PKD1: variants seen among roughly 807,000 people sequenced by gnomAD.
The protein encoded by PKD1 is polycystin-1.
In PKD1, 81 loss-of-function variants were observed where a neutral mutation model predicts 361.7. That is an observed-to-expected ratio of 0.22 (90% CI 0.19 to 0.27). The LOEUF (loss-of-function observed/expected upper bound fraction) is 0.27, where lower values mean the gene tolerates loss of function less well. Among genes scored for constraint, PKD1 ranks in the 10% least tolerant of loss-of-function variants. PKD1 has a pLI of 1.00. For synonymous variants in PKD1, 3,615 were observed against 2,818.3 expected (o/e 1.28, Z -8.95); for missense variants, 6,399 against 6,118.3 (o/e 1.05, Z -1.53).
rs533284364 is a variant in PKD1, at chr16:2,108,013, G to A, written c.6935C>T (p.Ala2312Val). Residue 2312 changes from alanine (A) to valine (V), a missense_variant, in exon 16 of 46, where the codon GCG becomes GTG. Transcript: ENST00000262304. ...GCTCCCGCGGGGCCCAAAGTTCAGC[G>A]CACACCCGCCAGCCTCCCTCTGCAG... ...ASTQREAGGC[A>V]LNFGPRGSST... 1.2e-4 allele frequency: 190 copies of A among 1,549,038 alleles called. No individual in the cohort carries two copies. In the East Asian group the frequency reaches 3.1e-3, roughly 25 times the overall value.
intron 1 of PKD1, among the ~76,000 whole-genome samples, chr16:2,129,340 T>C (rs2092838976): frequency 6.6e-6 from 1 of 151,018 alleles, no homozygotes; most frequent in Non-Finnish European, 1.5e-5. Flanking sequence ...TCTCGCTATG[T>C]TGCCCAGGCT....
intron 26 of PKD1, chr16:2,101,815 C>G (rs2092109694): frequency 1.7e-6 from 1 of 604,612 alleles, no homozygotes; most frequent in Admixed American, 2.7e-5. Flanking sequence ...TGGGGCCACG[C>G]TACTGTGCAG....
At chr16:2,101,757 G>A (rs1156724040) in intron 26 of PKD1, among the ~76,000 whole-genome samples, 9 of 152,268 alleles carry the variant, frequency 5.9e-5, no homozygotes, top group African/African-American at 2.2e-4. Flanking sequence ...TCAGGATCGC[G>A]GGTGGATGCA....
At position 2,116,517 on chromosome 16, in the gene PKD1, G is replaced by A. The variant is rs776946605; in HGVS notation, c.1722+12C>T. ...CAGGAGGGCAGGTTGTAGAACGTGG[G>A]GGGCCGACTACCTCCACGGGCTCGT... is the stretch of plus-strand genomic sequence containing the variant. On this transcript the variant is annotated intron_variant, in intron 8 of 45. Transcript: ENST00000262304. The A allele has an allele frequency of 1.4e-6, 2 of 1,421,990 alleles. No homozygotes were observed. Among genetic ancestry groups the A allele is most frequent in the Middle Eastern group, 2.4e-4 (1 of 4,148 alleles). The allele number at this position is 1,421,990 out of a possible 1,614,324, so 88.1% of individuals were successfully genotyped here.
In PKD1 at chr16:2,104,372, G is replaced by T. The variant is rs2092248185; in HGVS notation, c.8161+126C>A. ...AATTGGGGGAGGGGGATGAGGATGG[G>T]AATTGGGGGGAGGGGAGGGGGACGA... On this transcript the variant is annotated intron_variant, in intron 22 of 45. Coordinates refer to ENST00000262304, the MANE Select transcript of PKD1 (RefSeq NM_001009944.3). 5 of 564,180 alleles carry T rather than the reference G, an allele frequency of 8.9e-6. No homozygotes were observed. In the Admixed American group the frequency reaches 1.2e-4, roughly 14 times the overall value. 34.9% of individuals were successfully genotyped at this position (564,180 alleles called of 1,614,324 possible). A position where few individuals can be genotyped will look rare whatever the true frequency, so the allele number is the denominator to read the frequency against.
chr16:2,124,635 C>G (rs1427858403), intron 1 of PKD1, among the ~76,000 whole-genome samples: 1 of 152,212 alleles, frequency 6.6e-6, no homozygotes, highest in Non-Finnish European at 1.5e-5. Flanking sequence ...AGCTGAGTGC[C>G]CCAGGCGCCC....
Position 2,100,178 on chromosome 16 carries a change from C to A in PKD1, c.9700G>T (p.Val3234Leu). The A allele has an allele frequency of 6.2e-7, 1 of 1,609,312 alleles. No homozygotes were observed. The highest frequency in any genetic ancestry group is 8.5e-7 in the Non-Finnish European group (1 of 1,178,654). Residue 3234 changes from valine to leucine, a missense_variant, in exon 28 of 46, where the codon GTG becomes TTG. Val to Leu is a conservative substitution (Grantham distance 32). Transcript: ENST00000262304. The surrounding 1 kb of genome is among the most constrained non-coding windows in gnomAD (Gnocchi z 4.4). ...EANGGLVEKE[V>L]LAASDAALLR... ...AACGAGGCCTTACTCGCGGCCAGCACCTCCTTCTCCACCAGGCCCCCGTTG... is the reference window on the plus strand; with the variant it reads ...AACGAGGCCTTACTCGCGGCCAGCAACTCCTTCTCCACCAGGCCCCCGTTG...
At chr16:2,115,663 C>G in intron 9 of PKD1, 38 bp from the exon 10 acceptor site, 3 of 1,586,502 alleles carry the variant, frequency 1.9e-6, no homozygotes, top group Non-Finnish European at 2.6e-6. Flanking sequence ...CTGATTTGCC[C>G]ACAGGCCACC....
intron 1 of PKD1, among the ~76,000 whole-genome samples, chr16:2,130,714 C>G: frequency 6.6e-6 from 1 of 152,170 alleles, no homozygotes; most frequent in Non-Finnish European, 1.5e-5. Context: ...GCCTGTCTTC[C>G]CCGACGCCAA....
rs192885016 is a variant in PKD1, at chr16:2,101,098, G to C, written c.9398-532C>G. ...CCTCCCGGGTTCACGCCATTCTCCT[G>C]CCTCAGTCTCCCAAGGAGCTGGGAC... is the stretch of plus-strand genomic sequence containing the variant. On this transcript the variant is annotated intron_variant, in intron 26 of 45. Coordinates refer to ENST00000262304, the MANE Select transcript of PKD1 (RefSeq NM_001009944.3). Among the ~76,000 whole-genome samples the C allele has an allele frequency of 2.6e-3, 397 of 152,074 alleles. 4 individuals are homozygous for C. The East Asian group carries it at 0.044, about 17-fold the overall frequency.
At position 2,091,469 on chromosome 16, in the gene PKD1, G is replaced by T. The variant is rs768290483; in HGVS notation, c.11666C>A (p.Ala3889Glu). ...GAGGCCCGCGCTGAGGCGGCGCAGC[G>T]CAAAGGGGCGGACGCTGAGGGCGGC... Reference protein sequence around the residue: ...ALAALSVRPFALRRLSAGLSL... With the variant: ...ALAALSVRPFELRRLSAGLSL... The change falls in exon 42 of 46, where the codon GCG becomes GAG. Residue 3889 changes from alanine to glutamate, a missense_variant. Coordinates refer to ENST00000262304, the MANE Select transcript of PKD1 (RefSeq NM_001009944.3). 13 of 1,326,626 alleles carry T rather than the reference G, an allele frequency of 9.8e-6. No homozygotes were observed. Among genetic ancestry groups the T allele is most frequent in the Non-Finnish European group, 1.2e-5 (13 of 1,042,542 alleles). The allele number at this position is 1,326,626 out of a possible 1,614,324, so 82.2% of individuals were successfully genotyped here.
Position 2,102,558 on chromosome 16 carries a change from C to G in PKD1, c.9024G>C (p.Val3008=), listed in dbSNP as rs766283524. ...HFRWSALQVS[V]GLYTSLCQYF... is the part of the protein sequence containing the mutation. ...ACTGGCACAGGGACGTGTACAGGCC[C>G]ACGGACACCTGCAGCGCCGACCAGC... is the stretch of plus-strand genomic sequence containing the variant. Residue 3008 remains valine, a synonymous_variant, in exon 25 of 46, where the codon GTG becomes GTC. Coordinates refer to ENST00000262304, the MANE Select transcript of PKD1 (RefSeq NM_001009944.3). 1 of 1,610,984 alleles carries G rather than the reference C, an allele frequency of 6.2e-7. No homozygotes were observed. Among genetic ancestry groups the G allele is most frequent in the Non-Finnish European group, 8.5e-7 (1 of 1,179,760 alleles).
chr16:2,097,909 G>A lies in PKD1; in HGVS notation c.10126C>T (p.Leu3376=), dbSNP rs1488736912. 2 of 1,603,710 alleles carry A rather than the reference G, an allele frequency of 1.2e-6. No individual in the cohort carries two copies. ...DIDSCLDSSV[L]DSSFLTFSGL... The stretch of plus-strand genomic sequence containing the variant: ...GAGAACGTGAGGAAGGAGCTGTCCA[G>A]CACGGACGAGTCCAGGCAGCTGTCG... Residue 3376 remains leucine, a synonymous_variant, in exon 31 of 46, where the codon CTG becomes TTG. Transcript: ENST00000262304.
rs560345678 is a variant in PKD1, at chr16:2,100,920, T to C, written c.9398-354A>G. Among the ~76,000 whole-genome samples, 1 of 152,234 alleles carries C rather than the reference T, an allele frequency of 6.6e-6. No homozygotes were observed. Among genetic ancestry groups the C allele is most frequent in the South Asian group, 2.1e-4 (1 of 4,822 alleles). ...CACCACACACCCGTCCCTCAGTTCA[T>C]GCACAGACTGCAAAGCGTGAAGCTG... On this transcript the variant is annotated intron_variant, in intron 26 of 45. Transcript: ENST00000262304. This position sits in a 1 kb window ranked among gnomAD's most constrained non-coding sequence, Gnocchi z 4.4.
At chr16:2,094,036 G>A (rs541052149) in intron 35 of PKD1, 23 bp from the exon 36 acceptor site, 3 of 1,592,100 alleles carry the variant, frequency 1.9e-6, no homozygotes, top group East Asian at 4.5e-5. Context: ...AGACAGACCT[G>A]TGAGAGGCAG....
intron 14 of PKD1, 58 bp downstream of exon 14, chr16:2,112,282 G>A (rs2092533659): frequency 6.7e-7 from 1 of 1,494,852 alleles, no homozygotes; most frequent in Admixed American, 1.8e-5. Flanking sequence ...GGGGAGCTGG[G>A]GGGACCCCGT....
At position 2,093,543 on chromosome 16, in the gene PKD1, C is replaced by T. The variant is rs2151707040; in HGVS notation, c.11016+1G>A. On this transcript the variant is annotated splice_donor_variant, in intron 37 of 45. Coordinates refer to ENST00000262304, the MANE Select transcript of PKD1 (RefSeq NM_001009944.3). LOFTEE classifies it high-confidence loss of function. ...GGGGCACAGGCCGCACCCAGGCTCA[C>T]CCGCAGCATGCCATGTAGCCTCTTG... is the stretch of plus-strand genomic sequence containing the variant. 1 of 1,596,582 alleles carries T rather than the reference C, an allele frequency of 6.3e-7. No homozygotes were observed. The highest frequency in any genetic ancestry group is 8.5e-7 in the Non-Finnish European group (1 of 1,171,774).
In PKD1 at chr16:2,100,155, C is replaced by G. The variant is rs752344798; in HGVS notation, c.9712+11G>C. The G allele has an allele frequency of 1.2e-6, 2 of 1,606,610 alleles. No individual in the cohort carries two copies. The highest frequency in any genetic ancestry group is 8.5e-7 in the Non-Finnish European group (1 of 1,176,356). On this transcript the variant is annotated intron_variant, in intron 28 of 45. Transcript: ENST00000262304. This position sits in a 1 kb window ranked among gnomAD's most constrained non-coding sequence, Gnocchi z 4.4. ...CCTCCCACGGAGTGGGAACATGGAA[C>G]GAGGCCTTACTCGCGGCCAGCACCT... is the stretch of plus-strand genomic sequence containing the variant.
At position 2,109,088 on chromosome 16, in the gene PKD1, T is replaced by C. The variant is rs755874838; in HGVS notation, c.6079A>G (p.Thr2027Ala). 1.2e-6 allele frequency: 2 copies of C among 1,603,952 alleles called. No individual in the cohort carries two copies. The highest frequency in any genetic ancestry group is 2.2e-5 in the South Asian group (2 of 90,906). ...SLVILSGRDV[T>A]YTPVAAGLLE... ...AGCCCCGCGGCCACGGGCGTGTAGGTGACGTCGCGGCCCGACAGGATGACC... is the reference window on the plus strand; with the variant it reads ...AGCCCCGCGGCCACGGGCGTGTAGGCGACGTCGCGGCCCGACAGGATGACC... The change falls in exon 15 of 46, where the codon ACC becomes GCC. Residue 2027 changes from threonine (T) to alanine (A), a missense_variant. Thr to Ala is a moderately conservative substitution (Grantham distance 58). Coordinates refer to ENST00000262304, the MANE Select transcript of PKD1 (RefSeq NM_001009944.3).
Sources: gnomAD v4.1 joint callset for allele counts (sites outside exome capture counted in the v4.1 genomes callset) on GRCh38, gnomAD v4.1.1 for gene constraint, Gnocchi (gnomAD v3.1) non-coding constraint, MANE v1.5 for transcripts, NCBI Gene and HGNC (gene_info 2026-07-23, HGNC 2026-07-21) for gene names.